Variants in RBM20 observed in about 807,000 individuals in gnomAD.
RBM20 encodes RNA-binding protein 20.
A neutral mutation model predicts 110.1 loss-of-function variants in RBM20; 51 were observed. The ratio of observed to expected loss-of-function variants is 0.46; its 90% CI spans 0.37 to 0.59. The LOEUF is 0.59. Ranked by LOEUF, RBM20 falls within the 20% of genes least tolerant of loss-of-function variation. The probability of loss-of-function intolerance (pLI) is 0.00; values close to 1 mark genes in which losing one functional copy is unlikely to be tolerated. For synonymous variants in RBM20, 589 were observed against 618.2 expected, an observed-to-expected ratio of 0.95 and a Z score of 0.70; for missense variants, 1,512 against 1,574.9, an observed-to-expected ratio of 0.96 and a Z score of 0.68.
chr10:110,791,699 C>T (rs1299110058), intron 5 of RBM20, among the ~76,000 whole-genome samples: 1 of 152,216 alleles, frequency 6.6e-6, no homozygotes, highest in Non-Finnish European at 1.5e-5. Flanking sequence ...GCAGCCCCCG[C>T]ATGTGAAAAT....
intron 1 of RBM20, among the ~76,000 whole-genome samples, chr10:110,742,516 C>G (rs576835912): frequency 1.3e-5 from 2 of 152,340 alleles, no homozygotes; most frequent in East Asian, 3.9e-4. Flanking sequence ...AGTCCCCTGG[C>G]AGTGTGCTCA....
rs1844913213 is a variant in RBM20 at position 110,821,679 on chromosome 10, G to A, written c.3060G>A (p.Glu1020=). ...AAAGTGAGACAGGCCTCTCCCTGGA[G>A]GATTCAGATTGCTACGAGAAGGAGG... ...PAESETGLSL[E]DSDCYEKEAK... Residue 1020 remains glutamate, a synonymous_variant, in exon 11 of 14, where the codon GAG becomes GAA. Transcript: ENST00000369519. The A allele has an allele frequency of 2.6e-6, 4 of 1,551,796 alleles. No individual in the cohort carries two copies. Among genetic ancestry groups the A allele is most frequent in the South Asian group, 1.2e-5 (1 of 84,066 alleles).
At chr10:110,801,074 A>G (rs1292539646) in intron 7 of RBM20, among the ~76,000 whole-genome samples, 1 of 152,210 alleles carries the variant, frequency 6.6e-6, no homozygotes, top group Non-Finnish European at 1.5e-5. Context: ...CAACTTTCCT[A>G]GATGATAGCA....
intron 1 of RBM20, among the ~76,000 whole-genome samples, chr10:110,645,733 C>G (rs1383661480): frequency 6.6e-6 from 1 of 152,162 alleles, no homozygotes; most frequent in Non-Finnish European, 1.5e-5. Flanking sequence ...TGTGAAAATT[C>G]AAGTTTAACA....
intron 1 of RBM20, among the ~76,000 whole-genome samples, chr10:110,729,205 G>A (rs1406570595): frequency 2.6e-5 from 4 of 152,206 alleles, no homozygotes; most frequent in African/African-American, 4.8e-5. Flanking sequence ...CCACTTAAAC[G>A]CTCCCAATTT....
intron 7 of RBM20, among the ~76,000 whole-genome samples, chr10:110,806,191 C>A (rs193274978): frequency 6.6e-6 from 1 of 151,936 alleles, no homozygotes; most frequent in African/African-American, 2.4e-5. Flanking sequence ...TCGCTTGAAC[C>A]CAGAAGGCAG....
intron 8 of RBM20, among the ~76,000 whole-genome samples, chr10:110,811,698 C>T (rs187219018): frequency 3.3e-5 from 5 of 152,160 alleles, no homozygotes; most frequent in Admixed American, 1.3e-4. Flanking sequence ...AACCTCTGAG[C>T]GTGCCCTCCC....
chr10:110,699,436 T>C (rs983293975), intron 1 of RBM20, among the ~76,000 whole-genome samples: 3 of 151,992 alleles, frequency 2.0e-5, no homozygotes, highest in Admixed American at 2.0e-4. Flanking sequence ...CACGCCTGGC[T>C]AATTTTTGTA....
intron 2 of RBM20, 43 bp downstream of exon 2, chr10:110,781,927 G>A (rs535651683): frequency 1.9e-6 from 3 of 1,551,136 alleles, no homozygotes; most frequent in Non-Finnish European, 8.7e-7. Context: ...CTAGAAGCCT[G>A]GGCAGGCCTT....
chr10:110,659,603 C>T (rs1049072224), intron 1 of RBM20, among the ~76,000 whole-genome samples: 2 of 152,194 alleles, frequency 1.3e-5, no homozygotes, highest in African/African-American at 2.4e-5. Flanking sequence ...ACTAGGAACA[C>T]TCCTTAAAAC....
intron 1 of RBM20, among the ~76,000 whole-genome samples, chr10:110,682,064 G>A (rs1862431665): frequency 1.3e-5 from 2 of 151,956 alleles, no homozygotes; most frequent in East Asian, 1.9e-4. Context: ...TAATTTTTTT[G>A]TATTTTTAGT....
At chr10:110,784,539 C>T (rs1032456049) in intron 4 of RBM20, 107 bp downstream of exon 4, 36 of 871,136 alleles carry the variant, frequency 4.1e-5, no homozygotes, top group South Asian at 2.6e-4. Context: ...CCCCTTCTCA[C>T]GGATGTAGAA....
intron 7 of RBM20, among the ~76,000 whole-genome samples, chr10:110,809,306 T>G (rs1421082183): frequency 1.3e-5 from 2 of 150,990 alleles, no homozygotes; most frequent in Non-Finnish European, 2.9e-5. Flanking sequence ...AAACTCATTA[T>G]CAAAAGTTTA....
At chr10:110,674,719 G>T (rs1862312708) in intron 1 of RBM20, among the ~76,000 whole-genome samples, 1 of 152,206 alleles carries the variant, frequency 6.6e-6, no homozygotes, top group African/African-American at 2.4e-5. Context: ...ACAAGGTCTG[G>T]TGTTTTTGAG....
intron 12 of RBM20, among the ~76,000 whole-genome samples, chr10:110,827,575 T>G (rs1381594535): frequency 6.6e-6 from 1 of 152,210 alleles, no homozygotes; most frequent in South Asian, 2.1e-4. Context: ...ACCTACTGGC[T>G]GGATGACAAA....
intron 1 of RBM20, among the ~76,000 whole-genome samples, chr10:110,698,357 C>T (rs1030041786): frequency 4.6e-5 from 7 of 152,150 alleles, no homozygotes; most frequent in Non-Finnish European, 7.4e-5. Flanking sequence ...AGGGGAGCAC[C>T]GGAAAAAGAG....
chr10:110,698,000 C>T (rs369992210), intron 1 of RBM20, among the ~76,000 whole-genome samples: 4 of 152,044 alleles, frequency 2.6e-5, no homozygotes, highest in Admixed American at 6.5e-5. Context: ...CTCCACCTCC[C>T]GGCTTCACGC....
rs1272026300 is a variant in RBM20, at chr10:110,833,390, G to GGAAAAAAAAA, written c.3573+2208_3573+2209insGAAAAAAAAA. Among the ~76,000 whole-genome samples, 8 of 62,222 alleles carry GGAAAAAAAAA rather than the reference G, an allele frequency of 1.3e-4. No individual in the cohort carries two copies. In the South Asian group the frequency reaches 4.3e-3, roughly 33 times the overall value. 40.8% of individuals were successfully genotyped at this position (62,222 alleles called of 152,430 possible). A position where few individuals can be genotyped will look rare whatever the true frequency, so the allele number is the denominator to read the frequency against. On this transcript the variant is annotated intron_variant, in intron 13 of 13. Coordinates refer to ENST00000369519, the MANE Select transcript of RBM20 (RefSeq NM_001134363.3). ...GGTGACGGAGCGAAACTCTGTCTCA[G>GGAAAAAAAAA]AAAAAAAAAAAAAAAAGAAATGCAG...
chr10:110,802,869 G>A (rs1403155716), intron 7 of RBM20, among the ~76,000 whole-genome samples: 1 of 152,218 alleles, frequency 6.6e-6, no homozygotes, highest in Non-Finnish European at 1.5e-5. Context: ...GGTGATGTCA[G>A]CCTGGGCTCT....
Sources: allele counts gnomAD v4.1 joint callset (sites outside exome capture counted in the v4.1 genomes callset), GRCh38; gene constraint gnomAD v4.1.1; transcripts MANE v1.5; gene names NCBI Gene and HGNC (gene_info 2026-07-23, HGNC 2026-07-21).